The following ITSN1 variants were observed in gnomAD, a reference collection of about 807,000 sequenced individuals.
ITSN1 encodes intersectin 1, also known as intersectin-1.
A neutral mutation model predicts 239.8 loss-of-function variants in ITSN1; 58 were observed. The observed-to-expected ratio is 0.24, with a 90% CI of 0.20 to 0.30. ITSN1 has a LOEUF of 0.30. ITSN1 is among the 10% of genes least tolerant of loss of function. The pLI, the probability that ITSN1 is intolerant of heterozygous loss-of-function variation, is 1.00. For synonymous variants in ITSN1, 780 were observed against 770.8 expected, an observed-to-expected ratio of 1.01 and a Z score of -0.20; for missense variants, 1,558 against 2,103.3, an observed-to-expected ratio of 0.74 and a Z score of 5.07.
intron 33 of ITSN1, among the ~76,000 whole-genome samples, chr21:33,871,791 A>C (rs1439679579): frequency 6.6e-6 from 1 of 152,058 alleles, no homozygotes; most frequent in Non-Finnish European, 1.5e-5. Flanking sequence ...GCTGAGAGGC[A>C]GTAGGCAGTA....
intron 20 of ITSN1, among the ~76,000 whole-genome samples, chr21:33,810,486 G>T (rs924960307): frequency 4.1e-5 from 6 of 147,472 alleles, no homozygotes; most frequent in Admixed American, 1.4e-4. Context: ...TAAGGCCATG[G>T]TTTTTTTTTT....
intron 27 of ITSN1, among the ~76,000 whole-genome samples, chr21:33,831,188 C>T (rs2074272208): frequency 6.6e-6 from 1 of 152,224 alleles, no homozygotes; most frequent in Non-Finnish European, 1.5e-5. Flanking sequence ...GCCAGGCGGG[C>T]ACCTGGCCAC....
intron 4 of ITSN1, among the ~76,000 whole-genome samples, chr21:33,723,643 C>G (rs926295265): frequency 1.2e-4 from 18 of 152,048 alleles, no homozygotes; most frequent in Non-Finnish European, 1.5e-5. Flanking sequence ...GATTTGTAGT[C>G]GTACACCTGA....
chr21:33,799,001 T>C (rs1375201922), intron 18 of ITSN1, among the ~76,000 whole-genome samples: 1 of 152,224 alleles, frequency 6.6e-6, no homozygotes, highest in Non-Finnish European at 1.5e-5. Context: ...GTAGGAAATC[T>C]TGCATGTCAT....
rs765201488 is a variant in ITSN1, at chr21:33,781,544, G to A, written c.1680G>A (p.Leu560=). The A allele has an allele frequency of 9.3e-6, 14 of 1,509,200 alleles. No homozygotes were observed. In the South Asian group the frequency reaches 1.7e-4, roughly 19 times the overall value. 93.5% of individuals were successfully genotyped at this position (1,509,200 alleles called of 1,614,324 possible). ...TAAAACAAGTTCAGCAGAACAGTTT[G>A]CACAGTAGGTGTTTTATTTTTAAAG... ...DQLKQVQQNS[L]HRDSLVTLKR... is the part of the protein sequence containing the mutation. Residue 560 remains leucine (L), a synonymous_variant, in exon 15 of 40, where the codon TTG becomes TTA. Coordinates refer to ENST00000381318, the MANE Select transcript of ITSN1 (RefSeq NM_003024.3).
At position 33,777,761 on chromosome 21, in the gene ITSN1, A is replaced by T. The variant is rs190408997; in HGVS notation, c.1596+2653A>T. Among the ~76,000 whole-genome samples, 479 of 152,204 alleles carry T rather than the reference A, an allele frequency of 3.1e-3. 1 individual carries two copies. Among genetic ancestry groups the T allele is most frequent in the Non-Finnish European group, 4.5e-3 (304 of 68,000 alleles). On this transcript the variant is annotated intron_variant, in intron 14 of 39. Transcript: ENST00000381318. ...ATATGGAAATAGAATTTATTTTTGT[A>T]TATTGACCTTATATCTGTGATTGCT...
intron 24 of ITSN1, among the ~76,000 whole-genome samples, chr21:33,822,972 T>C (rs2073774885): frequency 6.6e-6 from 1 of 152,242 alleles, no homozygotes; most frequent in South Asian, 2.1e-4. Context: ...AAAGTATGTC[T>C]TATTTAATTT....
chr21:33,697,860 T>C (rs2091864381), intron 1 of ITSN1, among the ~76,000 whole-genome samples: 1 of 152,240 alleles, frequency 6.6e-6, no homozygotes, highest in Admixed American at 6.5e-5. Flanking sequence ...TATCTGCATC[T>C]GTAGGGCTCT....
intron 1 of ITSN1, among the ~76,000 whole-genome samples, chr21:33,647,916 G>T (rs891273136): frequency 6.6e-6 from 1 of 152,224 alleles, no homozygotes; most frequent in African/African-American, 2.4e-5. Context: ...GAATGTACTT[G>T]TGAGATTATT....
chr21:33,692,977 A>G (rs1197998980), intron 1 of ITSN1, among the ~76,000 whole-genome samples: 4 of 151,996 alleles, frequency 2.6e-5, no homozygotes, highest in African/African-American at 9.7e-5. Context: ...TTGTATTTGT[A>G]GTGGAAATGG....
chr21:33,780,038 G>T (rs2070025811), intron 14 of ITSN1, among the ~76,000 whole-genome samples: 1 of 152,046 alleles, frequency 6.6e-6, no homozygotes, highest in Non-Finnish European at 1.5e-5. Flanking sequence ...CACCATGTTG[G>T]CCAGCCTGGT....
chr21:33,827,153 A>G (rs554686470), intron 26 of ITSN1, among the ~76,000 whole-genome samples: 1 of 152,294 alleles, frequency 6.6e-6, no homozygotes, highest in East Asian at 1.9e-4. Context: ...TAATCCCAGC[A>G]GTTTTGGAGA....
In ITSN1 at chr21:33,892,757, TTTTC is replaced by T. The variant is rs1423221200; in HGVS notation, c.*4469_*4472del. On this transcript the variant is annotated 3_prime_UTR_variant, in exon 40 of 40. Transcript: ENST00000381318. ...TCAATGCTTGATCAAATGGGGGGCA[TTTTC>T]TTTCTTTCTTTTTTTCCCCAGCTAC... The T allele has an allele frequency of 2.0e-5, 3 of 152,200 alleles. No individual in the cohort carries two copies. Among genetic ancestry groups the T allele is most frequent in the African/African-American group, 4.8e-5 (2 of 41,426 alleles). The allele number at this position is 152,200 out of a possible 1,614,324, so 9.4% of individuals were successfully genotyped here. A position where few individuals can be genotyped will look rare whatever the true frequency, so the allele number is the denominator to read the frequency against.
At chr21:33,758,900 G>A (rs1287380066) in intron 8 of ITSN1, among the ~76,000 whole-genome samples, 1 of 152,138 alleles carries the variant, frequency 6.6e-6, no homozygotes, top group Non-Finnish European at 1.5e-5. Flanking sequence ...GGTTTCCACA[G>A]AAGAGTTCTG....
At chr21:33,862,201 G>A (rs1340570205) in intron 31 of ITSN1, among the ~76,000 whole-genome samples, 2 of 149,714 alleles carry the variant, frequency 1.3e-5, no homozygotes, top group Non-Finnish European at 3.0e-5. Flanking sequence ...ATAGCAGAAG[G>A]GAAGCAGAAG....
At chr21:33,648,057 A>G (rs577880573) in intron 1 of ITSN1, among the ~76,000 whole-genome samples, 207 of 152,350 alleles carry the variant, frequency 1.4e-3, no homozygotes, top group Admixed American at 2.5e-3. Context: ...TTACCATGGT[A>G]TATCAGACTT....
chr21:33,769,835 A>G (rs999473834), intron 11 of ITSN1, among the ~76,000 whole-genome samples: 1 of 151,776 alleles, frequency 6.6e-6, no homozygotes, highest in Non-Finnish European at 1.5e-5. Flanking sequence ...AGCTGGGACT[A>G]AAGGCATGTG....
rs1261919018 is a variant in ITSN1 at position 33,892,941 on chromosome 21, C to T, written c.*4641C>T. The stretch of plus-strand genomic sequence containing the variant: ...ATTCACGGGGCAGCTCCCTCTAGCT[C>T]TTCTGCCCAGTGACCTTACAGGCTT... On this transcript the variant is annotated 3_prime_UTR_variant, in exon 40 of 40. Coordinates refer to ENST00000381318, the MANE Select transcript of ITSN1 (RefSeq NM_003024.3). The T allele has an allele frequency of 2.0e-5, 3 of 152,224 alleles. No individual in the cohort carries two copies. The highest frequency in any genetic ancestry group is 4.4e-5 in the Non-Finnish European group (3 of 68,062). 9.4% of individuals were successfully genotyped at this position (152,224 alleles called of 1,614,324 possible). A position where few individuals can be genotyped will look rare whatever the true frequency, so the allele number is the denominator to read the frequency against.
At position 33,783,892 on chromosome 21, in the gene ITSN1, CT is replaced by C. The variant is rs1425949972; in HGVS notation, c.1824+1763del. On this transcript the variant is annotated intron_variant, in intron 16 of 39. Transcript: ENST00000381318. ...TAGAAAATGATACTCTAGTGAGAGG[CT>C]TTTGATAAATGTCTAGAAGATTAAA... Among the ~76,000 whole-genome samples the C allele has an allele frequency of 2.0e-4, 30 of 152,232 alleles. No homozygotes were observed. The East Asian group carries it at 5.6e-3, about 28-fold the overall frequency.
Sources: allele counts gnomAD v4.1 joint callset (sites outside exome capture counted in the v4.1 genomes callset), GRCh38; gene constraint gnomAD v4.1.1; transcripts MANE v1.5; gene names NCBI Gene and HGNC (gene_info 2026-07-23, HGNC 2026-07-21).